Variants in HSF5 observed in about 807,000 individuals in gnomAD.
HSF5 encodes heat shock factor protein 5.
HSF5 carries 5 observed loss-of-function variants against 50.8 expected under a neutral mutation model. The observed-to-expected ratio is 0.10, with a 90% CI of 0.05 to 0.21. The LOEUF is 0.21. Ranked by LOEUF, HSF5 falls within the 10% of genes least tolerant of loss-of-function variation. The probability of loss-of-function intolerance (pLI) is 1.00; values close to 1 mark genes in which losing one functional copy is unlikely to be tolerated. For synonymous variants in HSF5, 307 were observed against 307.4 expected (o/e 1.00, Z 0.02); for missense variants, 564 against 762.6 (o/e 0.74, Z 3.07).
Position 58,488,372 on chromosome 17 carries a change from G to A in HSF5, c.-98C>T, listed in dbSNP as rs1598207104. The A allele has an allele frequency of 2.2e-6, 3 of 1,333,944 alleles. No homozygotes were observed. The East Asian group carries it at 9.4e-5, about 42-fold the overall frequency. 82.6% of individuals were successfully genotyped at this position (1,333,944 alleles called of 1,614,324 possible). On this transcript the variant is annotated 5_prime_UTR_variant, in exon 1 of 6. Transcript: ENST00000323777. The surrounding 1 kb of genome is among the most constrained non-coding windows in gnomAD (Gnocchi z 4.1). ...CGCCTCGCCCTGCCCGCTCCTGCCG[G>A]CGCCCATCCGCCGCGTACCAGGGAC...
chr17:58,438,005 C>T (rs565092609), intron 5 of HSF5, among the ~76,000 whole-genome samples: 15 of 152,110 alleles, frequency 9.9e-5, no homozygotes, highest in East Asian at 5.8e-4. Context: ...TAGGGCTATA[C>T]GAATTTACAT....
chr17:58,427,506 T>C (rs1443291078), intron 5 of HSF5, among the ~76,000 whole-genome samples: 1 of 152,180 alleles, frequency 6.6e-6, no homozygotes, highest in Non-Finnish European at 1.5e-5. Context: ...CAAAGGAGTC[T>C]TTAGAGGAGG....
At chr17:58,463,344 A>T (rs1974820934) in intron 3 of HSF5, 41 bp from the exon 4 acceptor site, 3 of 1,501,432 alleles carry the variant, frequency 2.0e-6, no homozygotes, top group Non-Finnish European at 2.7e-6. Context: ...TAGAAAATAA[A>T]ATATGAGATT....
intron 5 of HSF5, among the ~76,000 whole-genome samples, chr17:58,449,772 C>G (rs1380308128): frequency 6.6e-6 from 1 of 151,440 alleles, no homozygotes. Context: ...GCCTGTAATC[C>G]CAGCACTTTG....
chr17:58,426,230 T>G (rs562228659), intron 5 of HSF5, among the ~76,000 whole-genome samples: 1 of 152,170 alleles, frequency 6.6e-6, no homozygotes, highest in Non-Finnish European at 1.5e-5. Context: ...ATTTTAATAA[T>G]TGGGCTTTAA....
chr17:58,438,616 T>A (rs756736327), intron 5 of HSF5, among the ~76,000 whole-genome samples: 16 of 151,994 alleles, frequency 1.1e-4, no homozygotes, highest in Non-Finnish European at 2.1e-4. Context: ...GGGAAAAGAT[T>A]GACAAAAATC....
intron 5 of HSF5, among the ~76,000 whole-genome samples, chr17:58,456,788 T>C (rs1380495929): frequency 2.0e-5 from 3 of 152,376 alleles, no homozygotes; most frequent in Non-Finnish European, 4.4e-5. Context: ...ATATGTGCTC[T>C]ACAGGCAGAC....
At chr17:58,458,993 G>A (rs767639500) in intron 4 of HSF5, 48 bp from the exon 5 acceptor site, 1 of 1,497,536 alleles carries the variant, frequency 6.7e-7, no homozygotes, top group South Asian at 1.2e-5. Flanking sequence ...CCAAATATCT[G>A]CTAAAAGTTA....
chr17:58,454,641 G>T (rs1333229755), intron 5 of HSF5, among the ~76,000 whole-genome samples: 1 of 152,122 alleles, frequency 6.6e-6, no homozygotes, highest in East Asian at 1.9e-4. Context: ...AAAGTTGCAG[G>T]ATACAAAATC....
intron 2 of HSF5, among the ~76,000 whole-genome samples, chr17:58,470,275 T>A (rs1974925494): frequency 6.6e-6 from 1 of 152,148 alleles, no homozygotes; most frequent in African/African-American, 2.4e-5. Context: ...TCAGTATCCA[T>A]CAACAGATGA....
At chr17:58,435,462 G>A (rs1251861202) in intron 5 of HSF5, among the ~76,000 whole-genome samples, 3 of 152,088 alleles carry the variant, frequency 2.0e-5, no homozygotes, top group Non-Finnish European at 4.4e-5. Context: ...CACGAGAATC[G>A]CTTGAACCCA....
chr17:58,442,006 G>T (rs1460027948), intron 5 of HSF5, among the ~76,000 whole-genome samples: 1 of 152,216 alleles, frequency 6.6e-6, no homozygotes, highest in African/African-American at 2.4e-5. Context: ...CCATCTAACA[G>T]AAAAGAATTT....
intron 5 of HSF5, among the ~76,000 whole-genome samples, chr17:58,450,515 A>G (rs886439405): frequency 2.1e-4 from 32 of 152,140 alleles, no homozygotes; most frequent in African/African-American, 7.7e-4. Context: ...GCACTTTGGG[A>G]GGCTGAGGCA....
intron 5 of HSF5, among the ~76,000 whole-genome samples, chr17:58,453,723 C>T (rs1354678329): frequency 6.6e-6 from 1 of 152,120 alleles, no homozygotes; most frequent in Non-Finnish European, 1.5e-5. Flanking sequence ...CAATGTAATA[C>T]ATTACATTAA....
intron 5 of HSF5, among the ~76,000 whole-genome samples, chr17:58,431,558 T>C (rs149847988): frequency 2.0e-5 from 3 of 152,348 alleles, no homozygotes; most frequent in Admixed American, 6.5e-5. Context: ...TGCATGACCA[T>C]ATATATCCTA....
intron 5 of HSF5, among the ~76,000 whole-genome samples, chr17:58,454,966 G>GA (rs777095658): frequency 2.6e-5 from 4 of 151,832 alleles, no homozygotes; most frequent in Non-Finnish European, 5.9e-5. Flanking sequence ...CACAGAAATA[G>GA]AAAAAAAATT....
At chr17:58,447,489 C>T (rs1467789195) in intron 5 of HSF5, among the ~76,000 whole-genome samples, 1 of 152,128 alleles carries the variant, frequency 6.6e-6, no homozygotes, top group East Asian at 1.9e-4. Flanking sequence ...ATGGGAATAC[C>T]CATGTCACCC....
At chr17:58,458,222 A>C (rs1176592942) in intron 5 of HSF5, among the ~76,000 whole-genome samples, 1 of 152,250 alleles carries the variant, frequency 6.6e-6, no homozygotes, top group Non-Finnish European at 1.5e-5. Flanking sequence ...ATTAGAATCA[A>C]CTGTATGTGC....
intron 5 of HSF5, among the ~76,000 whole-genome samples, chr17:58,448,241 G>C (rs1974588098): frequency 6.6e-6 from 1 of 151,648 alleles, no homozygotes; most frequent in African/African-American, 2.4e-5. Flanking sequence ...AAGATCTATG[G>C]GACAGAATTA....
Sources: allele counts gnomAD v4.1 joint callset (sites outside exome capture counted in the v4.1 genomes callset), GRCh38; gene constraint gnomAD v4.1.1; non-coding constraint Gnocchi (gnomAD v3.1); transcripts MANE v1.5; gene names NCBI Gene and HGNC (gene_info 2026-07-23, HGNC 2026-07-21).